Variants in ENOX1 observed in about 807,000 individuals in gnomAD.
ENOX1 encodes the protein candidate growth-related and time keeping constitutive hydroquinone (NADH) oxidase.
In ENOX1, 42 loss-of-function variants were observed where a neutral mutation model predicts 82.5. The observed-to-expected ratio is 0.51, with a 90% CI of 0.40 to 0.66. The LOEUF is 0.66. Among genes scored for constraint, ENOX1 ranks in the 30% least tolerant of loss-of-function variants. The pLI, the probability that ENOX1 is intolerant of heterozygous loss-of-function variation, is 0.00. For missense variants in ENOX1, 608 were observed against 811.6 expected, an observed-to-expected ratio of 0.75 and a Z score of 3.05; for synonymous variants, 271 against 282.2, an observed-to-expected ratio of 0.96 and a Z score of 0.40.
chr13:43,464,645 T>C (rs1446663917), intron 3 of ENOX1, among the ~76,000 whole-genome samples: 2 of 152,216 alleles, frequency 1.3e-5, no homozygotes, highest in African/African-American at 2.4e-5. Flanking sequence ...AAAGAGTTCC[T>C]ACATACTCCT....
intron 12 of ENOX1, among the ~76,000 whole-genome samples, chr13:43,289,754 A>G (rs1593732675): frequency 6.6e-6 from 1 of 152,220 alleles, no homozygotes; most frequent in East Asian, 1.9e-4. Flanking sequence ...GAGCTTCTGC[A>G]AAGAAAAAGA....
chr13:43,526,213 T>C (rs1009474002), intron 2 of ENOX1, among the ~76,000 whole-genome samples: 1 of 152,168 alleles, frequency 6.6e-6, no homozygotes, highest in Non-Finnish European at 1.5e-5. Flanking sequence ...GTTGCCTGAT[T>C]ATGAGTAAAA....
intron 2 of ENOX1, among the ~76,000 whole-genome samples, chr13:43,553,110 C>T (rs1478741495): frequency 6.6e-6 from 1 of 151,990 alleles, no homozygotes; most frequent in Non-Finnish European, 1.5e-5. Context: ...GAGACACCAC[C>T]GGTACCTAAA....
intron 2 of ENOX1, 96 bp downstream of exon 2, chr13:43,667,383 A>C: frequency 2.0e-5 from 16 of 818,710 alleles, no homozygotes; most frequent in Non-Finnish European, 2.2e-5. Context: ...GACACACATT[A>C]GAGAATGATG....
intron 1 of ENOX1, among the ~76,000 whole-genome samples, chr13:43,740,517 C>A (rs1315114182): frequency 1.3e-5 from 2 of 151,922 alleles, no homozygotes; most frequent in African/African-American, 4.8e-5. Flanking sequence ...GGTACAAGTG[C>A]AGGTTTGTCA....
chr13:43,477,073 A>G (rs896884951), intron 3 of ENOX1, among the ~76,000 whole-genome samples: 2 of 151,912 alleles, frequency 1.3e-5, no homozygotes, highest in African/African-American at 4.8e-5. Context: ...TTGAGAAAAA[A>G]CAAGTTCCAA....
At chr13:43,556,810 T>G (rs1052334992) in intron 2 of ENOX1, among the ~76,000 whole-genome samples, 2 of 151,812 alleles carry the variant, frequency 1.3e-5, no homozygotes, top group Non-Finnish European at 2.9e-5. Flanking sequence ...AAGATGTAAA[T>G]TATATAAAAG....
chr13:43,505,643 G>A (rs895527014), intron 2 of ENOX1, among the ~76,000 whole-genome samples: 7 of 152,032 alleles, frequency 4.6e-5, no homozygotes, highest in Non-Finnish European at 1.0e-4. Flanking sequence ...TGTAGATTCT[G>A]GATATTAGCC....
At chr13:43,232,633 T>A (rs1246646268) in intron 15 of ENOX1, among the ~76,000 whole-genome samples, 2 of 152,204 alleles carry the variant, frequency 1.3e-5, no homozygotes, top group African/African-American at 4.8e-5. Flanking sequence ...ATGGAAATGA[T>A]GTGTATGTCC....
At position 43,213,915 on chromosome 13, in the gene ENOX1, C is replaced by T; in HGVS notation, c.*75G>A. The T allele has an allele frequency of 6.5e-7, 1 of 1,544,964 alleles. No homozygotes were observed. Among genetic ancestry groups the T allele is most frequent in the South Asian group, 1.2e-5 (1 of 81,162 alleles). The stretch of plus-strand genomic sequence containing the variant: ...GGTTGCGTGCTGGACCAACCCCACA[C>T]CTCCTGCTTCCCCGTCGCACCGCCC... On this transcript the variant is annotated 3_prime_UTR_variant, in exon 17 of 17. Transcript: ENST00000690772.
chr13:43,728,046 T>C (rs541033502), intron 1 of ENOX1, among the ~76,000 whole-genome samples: 1 of 152,358 alleles, frequency 6.6e-6, no homozygotes, highest in Non-Finnish European at 1.5e-5. Flanking sequence ...CAGAATTTAA[T>C]ACCCCTTGGG....
At chr13:43,583,465 A>G (rs909034773) in intron 2 of ENOX1, among the ~76,000 whole-genome samples, 23 of 152,250 alleles carry the variant, frequency 1.5e-4, no homozygotes, top group Admixed American at 1.3e-3. Flanking sequence ...TTTCAATGAC[A>G]GTCAAACACT....
At chr13:43,345,934 G>A (rs544199480) in intron 8 of ENOX1, among the ~76,000 whole-genome samples, 3 of 152,194 alleles carry the variant, frequency 2.0e-5, no homozygotes, top group South Asian at 4.2e-4. Flanking sequence ...GAGGGGCATC[G>A]GAGACATCCT....
At chr13:43,513,031 G>A (rs1325041850) in intron 2 of ENOX1, among the ~76,000 whole-genome samples, 1 of 152,084 alleles carries the variant, frequency 6.6e-6, no homozygotes, top group Non-Finnish European at 1.5e-5. Context: ...ATTTGTGGCT[G>A]GGCGCAGTGG....
intron 2 of ENOX1, chr13:43,543,923 T>C (rs2078860234): frequency 7.2e-6 from 1 of 138,496 alleles, no homozygotes; most frequent in Admixed American, 7.3e-5. Context: ...CTTTTTTTTT[T>C]TTTTTTTTTT....
In ENOX1 at chr13:43,341,459, G is replaced by A. The variant is rs182057813; in HGVS notation, c.1036+3079C>T. On this transcript the variant is annotated intron_variant, in intron 9 of 16. Coordinates refer to ENST00000690772, the MANE Select transcript of ENOX1 (RefSeq NM_001347969.2). ...GCACCCCAGGCAGAAGGAACAGAAC[G>A]TATAAAGCCGAGTGGTGGAAGGTGG... Among the ~76,000 whole-genome samples, 427 of 152,250 alleles carry A rather than the reference G, an allele frequency of 2.8e-3. 2 individuals are homozygous for A. The highest frequency in any genetic ancestry group is 2.1e-3 in the Non-Finnish European group (144 of 68,008).
intron 2 of ENOX1, among the ~76,000 whole-genome samples, chr13:43,556,142 T>C (rs1225755939): frequency 3.3e-5 from 5 of 152,146 alleles, no homozygotes; most frequent in Non-Finnish European, 7.3e-5. Context: ...ATAATTGTAT[T>C]TTTTCTAAAT....
chr13:43,323,240 G>A (rs557801939), intron 10 of ENOX1, among the ~76,000 whole-genome samples: 10 of 152,226 alleles, frequency 6.6e-5, no homozygotes, highest in African/African-American at 1.7e-4. Context: ...CCTTTCTTTC[G>A]TATTGCACAC....
chr13:43,504,711 TA>T (rs948866091), intron 2 of ENOX1, among the ~76,000 whole-genome samples: 6 of 151,650 alleles, frequency 4.0e-5, no homozygotes, highest in Non-Finnish European at 8.9e-5. Context: ...TGTTCAGTTA[TA>T]AAAGACAAGT....
Sources: gnomAD v4.1 joint callset for allele counts (sites outside exome capture counted in the v4.1 genomes callset) on GRCh38, gnomAD v4.1.1 for gene constraint, MANE v1.5 for transcripts, NCBI Gene and HGNC (gene_info 2026-07-23, HGNC 2026-07-21) for gene names.